The following DACH1 variants were observed in gnomAD, a reference collection of about 807,000 sequenced individuals.
The protein encoded by DACH1 is dachshund family transcription factor 1.
DACH1 carries 12 observed loss-of-function variants against 54.2 expected under a neutral mutation model. That is an observed-to-expected ratio of 0.22 (90% CI 0.14 to 0.36). The LOEUF (loss-of-function observed/expected upper bound fraction) is 0.36. Among genes scored for constraint, DACH1 ranks in the 10% least tolerant of loss-of-function variants. The pLI, the probability that DACH1 is intolerant of heterozygous loss-of-function variation, is 1.00. For synonymous variants in DACH1, 386 were observed against 366.2 expected (o/e 1.05, Z -0.62); for missense variants, 805 against 929.8 (o/e 0.87, Z 1.75).
chr13:71,559,690 T>G, intron 5 of DACH1, 130 bp downstream of exon 5: 1 of 1,140,864 alleles, frequency 8.8e-7, no homozygotes, highest in South Asian at 1.5e-5. Flanking sequence ...TTTTGAGAGA[T>G]GGCTATTGCT....
At chr13:71,506,114 A>T (rs1406821225) in intron 6 of DACH1, among the ~76,000 whole-genome samples, 2 of 152,010 alleles carry the variant, frequency 1.3e-5, no homozygotes, top group African/African-American at 2.4e-5. Flanking sequence ...CATTTTCAAA[A>T]CTCACATAAA....
chr13:71,857,494 C>T (rs1239745375), intron 1 of DACH1, among the ~76,000 whole-genome samples: 1 of 151,478 alleles, frequency 6.6e-6, no homozygotes, highest in African/African-American at 2.4e-5. Flanking sequence ...CTACACAACA[C>T]ATATACATGT....
intron 6 of DACH1, among the ~76,000 whole-genome samples, chr13:71,506,495 C>T (rs1158520341): frequency 6.6e-6 from 1 of 151,764 alleles, no homozygotes; most frequent in Non-Finnish European, 1.5e-5. Flanking sequence ...CATAGTATTC[C>T]ATGGTATATA....
At chr13:71,445,566 A>G (rs1874376836) in intron 10 of DACH1, among the ~76,000 whole-genome samples, 1 of 152,206 alleles carries the variant, frequency 6.6e-6, no homozygotes, top group African/African-American at 2.4e-5. Flanking sequence ...AACATCAGAG[A>G]TCCTCTACTT....
At chr13:71,850,466 A>G (rs1037931564) in intron 1 of DACH1, among the ~76,000 whole-genome samples, 11 of 152,124 alleles carry the variant, frequency 7.2e-5, no homozygotes, top group Admixed American at 7.2e-4. Flanking sequence ...GAGAGATATG[A>G]CCTGCTAATA....
chr13:71,444,316 C>A (rs992938040), intron 10 of DACH1, among the ~76,000 whole-genome samples: 1 of 151,988 alleles, frequency 6.6e-6, no homozygotes, highest in East Asian at 1.9e-4. Flanking sequence ...AATTCTTAAT[C>A]CCTTAATTTA....
At chr13:71,765,627 A>G (rs1311968915) in intron 1 of DACH1, among the ~76,000 whole-genome samples, 2 of 152,196 alleles carry the variant, frequency 1.3e-5, no homozygotes, top group Admixed American at 6.5e-5. Flanking sequence ...CCATTTCTCC[A>G]GCCATCTTTA....
intron 3 of DACH1, among the ~76,000 whole-genome samples, chr13:71,600,944 T>G (rs1025429456): frequency 2.0e-5 from 3 of 151,900 alleles, no homozygotes; most frequent in Non-Finnish European, 4.4e-5. Context: ...TCCAGTTATT[T>G]TTTTTTTTAA....
intron 6 of DACH1, among the ~76,000 whole-genome samples, chr13:71,516,857 T>C (rs890055440): frequency 6.6e-6 from 1 of 151,570 alleles, no homozygotes; most frequent in Non-Finnish European, 1.5e-5. Flanking sequence ...CTACAAACAT[T>C]AACCAAGGAA....
chr13:71,637,166 T>C (rs1309777252), intron 2 of DACH1, among the ~76,000 whole-genome samples: 8 of 152,068 alleles, frequency 5.3e-5, no homozygotes, highest in Admixed American at 5.2e-4. Flanking sequence ...TGCATCTAAC[T>C]TATCTGGGAT....
rs1441296222 is a variant in DACH1, at chr13:71,475,809, C to T, written c.1911G>A (p.Lys637=). The T allele has an allele frequency of 6.2e-7, 1 of 1,613,434 alleles. No homozygotes were observed. Among genetic ancestry groups the T allele is most frequent in the African/African-American group, 1.3e-5 (1 of 74,862 alleles). Residue 637 remains lysine, a synonymous_variant, in exon 9 of 11, where the codon AAG becomes AAA. Coordinates refer to ENST00000613252, the MANE Select transcript of DACH1 (RefSeq NM_080759.6). ...QKRLKKEKKA[K]RKLQEALEFE... The stretch of plus-strand genomic sequence containing the variant: ...ACTCAAGTGCTTCCTGCAATTTTCT[C>T]TTTGCCTTCTTCTCCTTCTTTAGCC...
intron 3 of DACH1, among the ~76,000 whole-genome samples, chr13:71,618,167 T>C (rs1051556114): frequency 3.2e-4 from 48 of 152,162 alleles, no homozygotes; most frequent in African/African-American, 1.1e-3. Flanking sequence ...CATCCATAAC[T>C]TTCTTGTTCA....
At chr13:71,583,927 T>C (rs563903149) in intron 3 of DACH1, among the ~76,000 whole-genome samples, 1 of 152,342 alleles carries the variant, frequency 6.6e-6, no homozygotes, top group Non-Finnish European at 1.5e-5. Flanking sequence ...TGTAAAATAC[T>C]TACTATAATC....
chr13:71,813,258 C>T (rs1262680180), intron 1 of DACH1, among the ~76,000 whole-genome samples: 1 of 152,100 alleles, frequency 6.6e-6, no homozygotes, highest in Non-Finnish European at 1.5e-5. Flanking sequence ...AGACATTTTA[C>T]CCATAATCAT....
chr13:71,822,648 A>G (rs1888235928), intron 1 of DACH1, among the ~76,000 whole-genome samples: 1 of 152,214 alleles, frequency 6.6e-6, no homozygotes, highest in Non-Finnish European at 1.5e-5. Context: ...AAAGTGGCAT[A>G]TACTCAATCA....
intron 6 of DACH1, among the ~76,000 whole-genome samples, chr13:71,537,974 C>CA (rs1882913764): frequency 6.6e-6 from 1 of 152,078 alleles, no homozygotes; most frequent in South Asian, 2.1e-4. Flanking sequence ...ATATCACCCA[C>CA]AAAAATCCAA....
chr13:71,519,885 A>ATG (rs1039330537), intron 6 of DACH1, among the ~76,000 whole-genome samples: 1 of 44,128 alleles, frequency 2.3e-5, no homozygotes, highest in African/African-American at 3.8e-5. Flanking sequence ...CCAAAGTAGT[A>ATG]TATATATATA....
intron 5 of DACH1, 94 bp downstream of exon 5, chr13:71,559,726 T>A: frequency 6.7e-7 from 1 of 1,496,752 alleles, no homozygotes; most frequent in Non-Finnish European, 9.2e-7. Context: ...ATGATCCATC[T>A]GAGATCTATT....
At chr13:71,480,770 C>G (rs577923200) in intron 7 of DACH1, among the ~76,000 whole-genome samples, 1 of 152,162 alleles carries the variant, frequency 6.6e-6, no homozygotes, top group African/African-American at 2.4e-5. Context: ...GCGCAATAGA[C>G]AGATAGTTTT....
Sources: gnomAD v4.1 joint callset for allele counts (sites outside exome capture counted in the v4.1 genomes callset) on GRCh38, gnomAD v4.1.1 for gene constraint, MANE v1.5 for transcripts, NCBI Gene and HGNC (gene_info 2026-07-23, HGNC 2026-07-21) for gene names.